Variants in PRMT8 observed in about 807,000 individuals in gnomAD.
PRMT8 encodes the protein protein arginine N-methyltransferase 8.
PRMT8 carries 7 observed loss-of-function variants against 47.1 expected under a neutral mutation model. The ratio of observed to expected loss-of-function variants is 0.15; its 90% CI spans 0.08 to 0.28. The LOEUF is 0.28. PRMT8 is among the 10% of genes least tolerant of loss of function. The pLI is 1.00. For synonymous variants in PRMT8, 188 were observed against 186.5 expected, an observed-to-expected ratio of 1.01 and a Z score of -0.07; for missense variants, 237 against 505.4, an observed-to-expected ratio of 0.47 and a Z score of 5.09.
intron 1 of PRMT8, among the ~76,000 whole-genome samples, chr12:3,448,076 A>G (rs1228867403): frequency 6.6e-6 from 1 of 152,102 alleles, no homozygotes; most frequent in African/African-American, 2.4e-5. Flanking sequence ...ATCTCACTTT[A>G]TCCTTTAACT....
intron 2 of PRMT8, among the ~76,000 whole-genome samples, chr12:3,547,881 G>A (rs1866352647): frequency 6.6e-6 from 1 of 152,162 alleles, no homozygotes; most frequent in Non-Finnish European, 1.5e-5. Flanking sequence ...GATGCCAGGA[G>A]CCTATTCTGT....
intron 1 of PRMT8, among the ~76,000 whole-genome samples, chr12:3,451,196 C>T (rs1864915469): frequency 6.6e-6 from 1 of 152,110 alleles, no homozygotes; most frequent in South Asian, 2.1e-4. Context: ...GATTGGCTCA[C>T]AAACTGCCAA....
At chr12:3,486,629 G>A (rs74831379), upstream of PRMT8, among the ~76,000 whole-genome samples, 10 of 152,240 alleles carry the variant, frequency 6.6e-5, no homozygotes, top group East Asian at 1.5e-3. Flanking sequence ...AGTATACAAC[G>A]TCCACCCAGT....
intron 1 of PRMT8, among the ~76,000 whole-genome samples, chr12:3,391,265 A>C (rs1457107286): frequency 6.6e-6 from 1 of 152,246 alleles, no homozygotes; most frequent in Admixed American, 6.5e-5. Context: ...CATGAGCAAT[A>C]AATAGGCAAA....
At chr12:3,469,275 AC>A in intron 1 of PRMT8, 2 of 426,610 alleles carry the variant, frequency 4.7e-6, no homozygotes, top group East Asian at 6.8e-5. Flanking sequence ...CTGCCTCACG[AC>A]CCCCACCAAA....
At position 3,593,320 on chromosome 12, in the gene PRMT8, TC is replaced by T; in HGVS notation, c.*142del. 1 of 672,996 alleles carries T rather than the reference TC, an allele frequency of 1.5e-6. No individual in the cohort carries two copies. The highest frequency in any genetic ancestry group is 2.5e-6 in the Non-Finnish European group (1 of 402,078). The allele number at this position is 672,996 out of a possible 1,614,324, so 41.7% of individuals were successfully genotyped here. On this transcript the variant is annotated 3_prime_UTR_variant, in exon 10 of 10. Transcript: ENST00000382622. This position sits in a 1 kb window ranked among gnomAD's most constrained non-coding sequence, Gnocchi z 4.8. ...AACTCTGCCTTGAAGATTGGTGAAC[TC>T]CCCAGGGCTCCCGTGGGCTCTGCCA...
chr12:3,571,620 A>T (rs1866847628), intron 6 of PRMT8, among the ~76,000 whole-genome samples: 3 of 152,112 alleles, frequency 2.0e-5, no homozygotes, highest in Admixed American at 6.5e-5. Context: ...CTTTTGGAAA[A>T]GGAAAAAAAA....
chr12:3,521,677 G>A lies in PRMT8; in HGVS notation c.76-18929G>A, dbSNP rs551724165. On this transcript the variant is annotated intron_variant, in intron 1 of 9. Coordinates refer to ENST00000382622, the MANE Select transcript of PRMT8 (RefSeq NM_019854.5). ...CTGACAAAAAGTAAACGAAAAAATGGTCAGAAAACAAACTACTGGAGAAAG... is the reference window on the plus strand; with the variant it reads ...CTGACAAAAAGTAAACGAAAAAATGATCAGAAAACAAACTACTGGAGAAAG... Among the ~76,000 whole-genome samples the A allele has an allele frequency of 3.3e-5, 5 of 152,278 alleles. No individual in the cohort carries two copies. The South Asian group carries it at 8.3e-4, about 25-fold the overall frequency.
intron 1 of PRMT8, among the ~76,000 whole-genome samples, chr12:3,484,124 G>A (rs1325815941): frequency 6.6e-6 from 1 of 152,162 alleles, no homozygotes. Context: ...CTGATGGCAG[G>A]CTGACTTCCC....
Position 3,569,355 on chromosome 12 carries a change from C to G in PRMT8, c.625-122C>G, listed in dbSNP as rs79736192. On this transcript the variant is annotated intron_variant, in intron 5 of 9. Transcript: ENST00000382622. The surrounding 1 kb of genome is among the most constrained non-coding windows in gnomAD (Gnocchi z 8.2). The stretch of plus-strand genomic sequence containing the variant: ...CCCTCACCCCAGACAAGGTGACAGT[C>G]CACTGCATGAGAGATGGTGGCAAGG... The G allele has an allele frequency of 8.5e-4, 703 of 823,328 alleles. 7 individuals are homozygous for G. The East Asian group carries it at 0.017, about 20-fold the overall frequency. The allele number at this position is 823,328 out of a possible 1,614,324, so 51.0% of individuals were successfully genotyped here.
chr12:3,523,131 A>C (rs574642426), intron 1 of PRMT8, among the ~76,000 whole-genome samples: 14 of 152,224 alleles, frequency 9.2e-5, no homozygotes, highest in Non-Finnish European at 1.8e-4. Flanking sequence ...CAGCTGTCAC[A>C]AGCGAACAAA....
chr12:3,491,546 TCTCG>T lies in PRMT8; in HGVS notation c.-76_-73del. ...TTGGATTTTTTTTTTTCTCCCATCC[TCTCG>T]CTCTCTCTTTTAAAGCGACACCAGC... On this transcript the variant is annotated 5_prime_UTR_variant, in exon 1 of 10. Coordinates refer to ENST00000382622, the MANE Select transcript of PRMT8 (RefSeq NM_019854.5). The T allele has an allele frequency of 4.0e-6, 6 of 1,499,356 alleles. No homozygotes were observed. The East Asian group carries it at 1.2e-4, about 29-fold the overall frequency. 92.9% of individuals were successfully genotyped at this position (1,499,356 alleles called of 1,614,324 possible).
At chr12:3,545,276 G>T (rs1159369131) in intron 2 of PRMT8, among the ~76,000 whole-genome samples, 3 of 152,188 alleles carry the variant, frequency 2.0e-5, no homozygotes, top group Non-Finnish European at 4.4e-5. Context: ...ATGCTCTAGA[G>T]TCTGTGTACT....
rs561009905 is a variant in PRMT8, at chr12:3,558,269, C to T, written c.481+4555C>T. 2.6e-5 allele frequency among the ~76,000 whole-genome samples: 4 copies of T among 151,514 alleles called. No homozygotes were observed. The East Asian group carries it at 7.7e-4, about 29-fold the overall frequency. On this transcript the variant is annotated intron_variant, in intron 4 of 9. Transcript: ENST00000382622. ...CTCCCCTTCCTTCTCCTCCCCTTTC[C>T]CTTCTTTATTTTAACCTTTGAAATA...
chr12:3,482,426 T>C (rs1865283606), intron 1 of PRMT8, among the ~76,000 whole-genome samples: 2 of 152,198 alleles, frequency 1.3e-5, no homozygotes, highest in South Asian at 4.1e-4. Context: ...ACTAACTAAG[T>C]CCTGATGTCG....
At chr12:3,480,886 T>A (rs1865268157) in intron 1 of PRMT8, among the ~76,000 whole-genome samples, 1 of 152,196 alleles carries the variant, frequency 6.6e-6, no homozygotes, top group Non-Finnish European at 1.5e-5. Flanking sequence ...AATCTCCTTT[T>A]GAAACAGAAG....
intron 1 of PRMT8, among the ~76,000 whole-genome samples, chr12:3,428,662 A>G (rs1303717407): frequency 6.6e-6 from 1 of 151,038 alleles, no homozygotes; most frequent in African/African-American, 2.4e-5. Flanking sequence ...TTTCTTAACT[A>G]CTTGTATATT....
chr12:3,472,291 T>C (rs1474499742), intron 1 of PRMT8, among the ~76,000 whole-genome samples: 2 of 152,224 alleles, frequency 1.3e-5, no homozygotes, highest in Admixed American at 1.3e-4. Flanking sequence ...CTTTTCCTTG[T>C]TATGCTAAAC....
At chr12:3,589,920 G>A (rs577655146) in intron 8 of PRMT8, among the ~76,000 whole-genome samples, 86 of 152,292 alleles carry the variant, frequency 5.6e-4, no homozygotes, top group African/African-American at 2.1e-3. Context: ...AGAGACACCT[G>A]TCTGAGCTGG....
Sources: gnomAD v4.1 joint callset for allele counts (sites outside exome capture counted in the v4.1 genomes callset) on GRCh38, gnomAD v4.1.1 for gene constraint, Gnocchi (gnomAD v3.1) non-coding constraint, MANE v1.5 for transcripts, NCBI Gene and HGNC (gene_info 2026-07-23, HGNC 2026-07-21) for gene names.